Variants in COMMD1 observed in about 807,000 individuals in gnomAD.
COMMD1 encodes the protein COMM domain-containing protein 1.
Under a neutral mutation model 17.2 loss-of-function variants are expected in COMMD1, and 10 were observed. That is an observed-to-expected ratio of 0.58 (90% CI 0.36 to 0.99). The LOEUF is 0.99. Among genes scored for constraint, COMMD1 ranks in the 50% least tolerant of loss-of-function variants. COMMD1 has a pLI of 0.01. For missense variants in COMMD1, 270 were observed against 231.8 expected, an observed-to-expected ratio of 1.17 and a Z score of -1.07; for synonymous variants, 97 against 91.6, an observed-to-expected ratio of 1.06 and a Z score of -0.34.
At chr2:62,062,214 C>T (rs1003702937) in intron 2 of COMMD1, among the ~76,000 whole-genome samples, 8 of 150,178 alleles carry the variant, frequency 5.3e-5, no homozygotes, top group East Asian at 1.9e-4. Flanking sequence ...TTTTGTTTTT[C>T]GGTTTTTTTT....
chr2:61,920,623 C>T (rs891088292), intron 1 of COMMD1, among the ~76,000 whole-genome samples: 2 of 151,854 alleles, frequency 1.3e-5, no homozygotes, highest in Non-Finnish European at 2.9e-5. Context: ...GAAAGGAGTC[C>T]TATTCAAAAA....
At chr2:62,123,518 A>G (rs1006742622) in intron 2 of COMMD1, among the ~76,000 whole-genome samples, 2 of 147,556 alleles carry the variant, frequency 1.4e-5, no homozygotes, top group African/African-American at 5.3e-5. Flanking sequence ...AAATTAAAAA[A>G]AAAGAAAAAA....
intron 1 of COMMD1, among the ~76,000 whole-genome samples, chr2:62,000,115 G>T (rs1194983955): frequency 6.6e-6 from 1 of 151,784 alleles, no homozygotes; most frequent in Non-Finnish European, 1.5e-5. Context: ...GGAAAAACAG[G>T]GTTTCACCAT....
intron 2 of COMMD1, among the ~76,000 whole-genome samples, chr2:62,099,665 T>G (rs1672118799): frequency 6.6e-6 from 1 of 152,066 alleles, no homozygotes; most frequent in Non-Finnish European, 1.5e-5. Flanking sequence ...CTTTACAGTG[T>G]TTCAACACTG....
chr2:61,998,250 T>C lies in COMMD1; in HGVS notation c.181-2451T>C, dbSNP rs539534752. On this transcript the variant is annotated intron_variant, in intron 1 of 2. Coordinates refer to ENST00000311832, the MANE Select transcript of COMMD1 (RefSeq NM_152516.4). ...GCAATAAGGCTGTTGTGCTTTCTTT[T>C]TTTTTTTTTTTTTTTTGTTTGAGAG... Among the ~76,000 whole-genome samples, 90 of 149,904 alleles carry C rather than the reference T, an allele frequency of 6.0e-4. 1 individual carries two copies. The highest frequency in any genetic ancestry group is 8.6e-4 in the Admixed American group (13 of 15,072).
At chr2:62,079,819 G>C (rs557155579) in intron 2 of COMMD1, 2 of 152,104 alleles carry the variant, frequency 1.3e-5, no homozygotes, top group Non-Finnish European at 2.9e-5. Flanking sequence ...GTGTCTGTCA[G>C]ATGTCAACAG....
chr2:62,066,359 G>C (rs1671039639), intron 2 of COMMD1, among the ~76,000 whole-genome samples: 2 of 151,660 alleles, frequency 1.3e-5, no homozygotes, highest in African/African-American at 4.8e-5. Flanking sequence ...AACTCCCAGG[G>C]AAAAATGAGG....
chr2:61,898,780 T>G (rs911882430), intron 1 of COMMD1, among the ~76,000 whole-genome samples: 1 of 152,142 alleles, frequency 6.6e-6, no homozygotes, highest in Admixed American at 6.5e-5. Context: ...TAGTTAGGTA[T>G]TTATAATTTC....
chr2:62,118,587 C>A (rs1483598999), intron 2 of COMMD1, among the ~76,000 whole-genome samples: 1 of 152,120 alleles, frequency 6.6e-6, no homozygotes, highest in Non-Finnish European at 1.5e-5. Flanking sequence ...GTCTTCAGGG[C>A]TAGACTTTGG....
chr2:62,074,778 G>A (rs1671293466), intron 2 of COMMD1, among the ~76,000 whole-genome samples: 1 of 151,824 alleles, frequency 6.6e-6, no homozygotes, highest in African/African-American at 2.4e-5. Flanking sequence ...TAATATATTT[G>A]CCATTTCTCC....
intron 2 of COMMD1, among the ~76,000 whole-genome samples, chr2:62,067,317 A>T (rs1342620068): frequency 1.3e-5 from 2 of 152,148 alleles, no homozygotes; most frequent in Non-Finnish European, 2.9e-5. Context: ...AGTACTTAAA[A>T]TTAGTTTTCT....
rs1668913300 is a variant in COMMD1, at chr2:62,000,808, A to T, written c.288A>T (p.Lys96Asn). The T allele has an allele frequency of 2.5e-6, 4 of 1,614,004 alleles. No individual in the cohort carries two copies. Among genetic ancestry groups the T allele is most frequent in the Non-Finnish European group, 3.4e-6 (4 of 1,180,020 alleles). The change falls in exon 2 of 3, where the codon AAA (lysine) becomes AAT (asparagine). Residue 96 changes from lysine to asparagine, a missense_variant. Transcript: ENST00000311832. ...CTGACCAAGCTGCTGTCATTTCCAA[A>T]TTCTGGAAGAGCCACAAGACAAAAA... is the stretch of plus-strand genomic sequence containing the variant. The part of the protein sequence containing the change: ...ITSDQAAVIS[K>N]FWKSHKTKIR...
intron 1 of COMMD1, among the ~76,000 whole-genome samples, chr2:61,993,946 A>G (rs942891689): frequency 6.6e-6 from 1 of 152,122 alleles, no homozygotes; most frequent in Non-Finnish European, 1.5e-5. Context: ...TAATTATAGT[A>G]TATTATACAA....
chr2:62,082,823 T>G (rs1671561491), intron 2 of COMMD1, among the ~76,000 whole-genome samples: 1 of 152,228 alleles, frequency 6.6e-6, no homozygotes, highest in Admixed American at 6.5e-5. Flanking sequence ...AGCTTTAGCT[T>G]TTTAAATAGG....
chr2:61,929,342 G>T (rs1670405045), intron 1 of COMMD1, among the ~76,000 whole-genome samples: 1 of 152,142 alleles, frequency 6.6e-6, no homozygotes, highest in African/African-American at 2.4e-5. Context: ...TTTTGTCGGG[G>T]TCTAGCAAAA....
At chr2:61,921,857 G>A (rs1670204960) in intron 1 of COMMD1, among the ~76,000 whole-genome samples, 1 of 152,286 alleles carries the variant, frequency 6.6e-6, no homozygotes, top group Non-Finnish European at 1.5e-5. Context: ...AACAGCCATT[G>A]TGTTTCTTAG....
chr2:61,936,781 G>A (rs1670617310), intron 1 of COMMD1, among the ~76,000 whole-genome samples: 1 of 152,132 alleles, frequency 6.6e-6, no homozygotes, highest in African/African-American at 2.4e-5. Flanking sequence ...TTCTCATACA[G>A]ATATGAACCC....
intron 1 of COMMD1, among the ~76,000 whole-genome samples, chr2:61,969,621 T>C (rs1055673477): frequency 7.2e-5 from 11 of 152,214 alleles, no homozygotes; most frequent in Admixed American, 2.0e-4. Context: ...GGTAGCTTTA[T>C]GTGCTTGTCA....
intron 2 of COMMD1, 37 bp from the exon 3 acceptor site, chr2:62,135,794 G>A: frequency 3.8e-6 from 4 of 1,059,012 alleles, no homozygotes; most frequent in Non-Finnish European, 5.9e-6. Context: ...TGGCTATCTT[G>A]TGGTTTCCCT....
Sources: gnomAD v4.1 joint callset for allele counts (sites outside exome capture counted in the v4.1 genomes callset) on GRCh38, gnomAD v4.1.1 for gene constraint, MANE v1.5 for transcripts, NCBI Gene and HGNC (gene_info 2026-07-23, HGNC 2026-07-21) for gene names.